The following SHISAL2A variants were observed in gnomAD, a reference collection of about 807,000 sequenced individuals.
SHISAL2A encodes the protein protein shisa-like-2A.
Under a neutral mutation model 11.5 loss-of-function variants are expected in SHISAL2A, and 18 were observed. That is an observed-to-expected ratio of 1.57 (90% confidence interval 1.08 to 2.33). The LOEUF is 2.33. SHISAL2A is among the 30% of genes most tolerant of loss of function. The pLI, the probability that SHISAL2A is intolerant of heterozygous loss-of-function variation, is 0.00. For synonymous variants in SHISAL2A, 94 were observed against 99.6 expected, an observed-to-expected ratio of 0.94 and a Z score of 0.34; for missense variants, 261 against 250.9, an observed-to-expected ratio of 1.04 and a Z score of -0.27.
At chr1:52,646,492 T>TACACACACAC (rs35929137) in intron 2 of SHISAL2A, among the ~76,000 whole-genome samples, 2,530 of 145,344 alleles carry the variant, frequency 0.017, 38 homozygotes, top group Non-Finnish European at 0.023. Flanking sequence ...TAAATATCTA[T>TACACACACAC]ACACACACAC....
At position 52,656,566 on chromosome 1, in the gene SHISAL2A, G is replaced by A. The variant is rs182508160; in HGVS notation, c.323-224G>A. On this transcript the variant is annotated intron_variant, in intron 2 of 2. Transcript: ENST00000517870. ...CAAGTCTTCATAGCTCTTAACAATT[G>A]TTTCTTATCTGTTTCCTCCACCAAA... Among the ~76,000 whole-genome samples, 201 of 152,278 alleles carry A rather than the reference G, an allele frequency of 1.3e-3. 1 individual carries two copies. The highest frequency in any genetic ancestry group is 4.6e-3 in the African/African-American group (190 of 41,548).
downstream of SHISAL2A, among the ~76,000 whole-genome samples, chr1:52,657,831 G>C (rs538534882): frequency 2.0e-5 from 3 of 151,992 alleles, no homozygotes; most frequent in African/African-American, 7.2e-5. Flanking sequence ...CTCCAGCCTG[G>C]GCAAGACCTC....
chr1:52,641,493 A>G lies in SHISAL2A; in HGVS notation c.183-1370A>G, dbSNP rs528094165. The stretch of plus-strand genomic sequence containing the variant: ...GTGTTGAGTGTTGTGGGAGGAAAAA[A>G]GGAAGCTGTTTCTTCCTTCAGACCA... On this transcript the variant is annotated intron_variant, in intron 1 of 2. Transcript: ENST00000517870. Among the ~76,000 whole-genome samples, 31 of 152,306 alleles carry G rather than the reference A, an allele frequency of 2.0e-4. No homozygotes were observed. The East Asian group carries it at 6.0e-3, about 29-fold the overall frequency.
intron 2 of SHISAL2A, among the ~76,000 whole-genome samples, chr1:52,651,687 T>C (rs182653383): frequency 1.2e-3 from 190 of 152,292 alleles, no homozygotes; most frequent in Admixed American, 2.7e-3. Context: ...TGCAAAGGTT[T>C]TACAGGGACC....
At chr1:52,663,642 T>G (rs956707154) in intron 4 of SHISAL2A, among the ~76,000 whole-genome samples, 2 of 152,104 alleles carry the variant, frequency 1.3e-5, no homozygotes, top group Non-Finnish European at 2.9e-5. Flanking sequence ...ATGCCTGTGA[T>G]CCCAGCTACT....
exon 6 of SHISAL2A, chr1:52,669,642 G>T (rs1296598995): frequency 6.7e-6 from 1 of 149,138 alleles, no homozygotes; most frequent in African/African-American, 2.5e-5. Context: ...CCCCAGCCTG[G>T]GTGACAGAGC....
chr1:52,665,327 T>A (rs995799863), intron 4 of SHISAL2A, among the ~76,000 whole-genome samples: 1 of 152,190 alleles, frequency 6.6e-6, no homozygotes, highest in African/African-American at 2.4e-5. Context: ...CAGAATCCTG[T>A]GAATCTGACA....
chr1:52,645,536 A>C (rs957490099), intron 2 of SHISAL2A, among the ~76,000 whole-genome samples: 4 of 151,298 alleles, frequency 2.6e-5, no homozygotes, highest in African/African-American at 9.7e-5. Context: ...ATTCTCCTGA[A>C]TAGCAGGACT....
Position 52,633,473 on chromosome 1 carries a change from G to T in SHISAL2A, c.-21G>T. 6.8e-7 allele frequency: 1 copy of T among 1,463,854 alleles called. No homozygotes were observed. The allele number at this position is 1,463,854 out of a possible 1,614,324, so 90.7% of individuals were successfully genotyped here. A position where few individuals can be genotyped will look rare whatever the true frequency, so the allele number is the denominator to read the frequency against. ...GGCCGTCTGGTGGCCCGAGGTGGCG[G>T]CGGGCTGGGCGCGGGGCGCGATGAG... On this transcript the variant is annotated 5_prime_UTR_variant, in exon 1 of 3. Coordinates refer to ENST00000517870, the MANE Select transcript of SHISAL2A (RefSeq NM_001042693.3). The surrounding 1 kb of genome is among the most constrained non-coding windows in gnomAD (Gnocchi z 6.4).
chr1:52,633,417 C>G lies in SHISAL2A; in HGVS notation c.-77C>G. Reference sequence around the variant, plus strand: ...TTCTCAGGCTCAGCTCCGTCTCGCTCGGTCCCTCGCTTCCCCGCCGGGCTC... The same window carrying G: ...TTCTCAGGCTCAGCTCCGTCTCGCTGGGTCCCTCGCTTCCCCGCCGGGCTC... On this transcript the variant is annotated 5_prime_UTR_variant, in exon 1 of 3. Coordinates refer to ENST00000517870, the MANE Select transcript of SHISAL2A (RefSeq NM_001042693.3). This position sits in a 1 kb window ranked among gnomAD's most constrained non-coding sequence, Gnocchi z 6.4. The G allele has an allele frequency of 7.8e-7, 1 of 1,281,198 alleles. No individual in the cohort carries two copies. Among genetic ancestry groups the G allele is most frequent in the South Asian group, 1.6e-5 (1 of 61,212 alleles). 79.4% of individuals were successfully genotyped at this position (1,281,198 alleles called of 1,614,324 possible).
At chr1:52,652,965 C>CAAAAAAAAAAAAA (rs36154490) in intron 2 of SHISAL2A, among the ~76,000 whole-genome samples, 4 of 22,370 alleles carry the variant, frequency 1.8e-4, no homozygotes, top group African/African-American at 6.6e-4. Flanking sequence ...GACTCTGTCT[C>CAAAAAAAAAAAAA]AAAAAAAAAA....
At chr1:52,640,859 G>C (rs567214919) in intron 1 of SHISAL2A, among the ~76,000 whole-genome samples, 109 of 152,316 alleles carry the variant, frequency 7.2e-4, no homozygotes, top group Non-Finnish European at 1.4e-3. Context: ...GGGGCTGGTT[G>C]CCGGGGAAAC....
At chr1:52,637,883 T>A (rs1691272076) in intron 1 of SHISAL2A, among the ~76,000 whole-genome samples, 1 of 152,136 alleles carries the variant, frequency 6.6e-6, no homozygotes, top group South Asian at 2.1e-4. Context: ...AGTAAAATCC[T>A]CGAAGACTCG....
Position 52,633,670 on chromosome 1 carries a change from G to A in SHISAL2A, c.177G>A (p.Trp59Ter). Residue 59 changes from tryptophan (W) to a stop codon, truncating the protein, a stop_gained, in exon 1 of 3, where the codon TGG becomes TGA. Coordinates refer to ENST00000517870, the MANE Select transcript of SHISAL2A (RefSeq NM_001042693.3). LOFTEE classifies it high-confidence loss of function. This position sits in a 1 kb window ranked among gnomAD's most constrained non-coding sequence, Gnocchi z 6.4. ...CCTACGAGCACAGCTACATGTGGTG[G>A]CTCAGGTACCGTCCCTGGCCCTCAC... ...FFPYEHSYMW[W>*]LSIGALIGLS... 6.2e-7 allele frequency: 1 copy of A among 1,604,950 alleles called. No individual in the cohort carries two copies. The highest frequency in any genetic ancestry group is 8.5e-7 in the Non-Finnish European group (1 of 1,176,010).
In SHISAL2A at chr1:52,633,784, T is replaced by G; in HGVS notation, c.182+109T>G. 3 of 878,736 alleles carry G rather than the reference T, an allele frequency of 3.4e-6. No individual in the cohort carries two copies. Among genetic ancestry groups the G allele is most frequent in the Non-Finnish European group, 5.3e-6 (3 of 561,732 alleles). 54.4% of individuals were successfully genotyped at this position (878,736 alleles called of 1,614,324 possible). ...CCACCTGAACATCAGCAGCAAGCTC[T>G]AGTCCTTACCGTCCTCATGCCCACA... On this transcript the variant is annotated intron_variant, in intron 1 of 2. Transcript: ENST00000517870. The surrounding 1 kb of genome is among the most constrained non-coding windows in gnomAD (Gnocchi z 6.4).
At chr1:52,659,780 T>G (rs1307849496), downstream of SHISAL2A, among the ~76,000 whole-genome samples, 1 of 152,236 alleles carries the variant, frequency 6.6e-6, no homozygotes, top group Non-Finnish European at 1.5e-5. Context: ...GAATTCCTTC[T>G]CTGTCCTTGG....
intron 5 of SHISAL2A, among the ~76,000 whole-genome samples, chr1:52,667,996 G>A (rs1283240136): frequency 2.0e-5 from 3 of 152,126 alleles, no homozygotes; most frequent in South Asian, 2.1e-4. Context: ...TGGTCACCCC[G>A]GGAGTAAATG....
chr1:52,655,183 A>T (rs1359319681), intron 2 of SHISAL2A, among the ~76,000 whole-genome samples: 15 of 151,852 alleles, frequency 9.9e-5, no homozygotes, highest in Admixed American at 9.9e-4. Context: ...GATATGTCTC[A>T]ATAAATGAAT....
intron 2 of SHISAL2A, among the ~76,000 whole-genome samples, chr1:52,651,724 A>G (rs773786793): frequency 3.3e-5 from 5 of 152,182 alleles, no homozygotes; most frequent in Admixed American, 6.6e-5. Flanking sequence ...AGCTAGAATT[A>G]TATCAGTTCC....
Sources: gnomAD v4.1 joint callset for allele counts (sites outside exome capture counted in the v4.1 genomes callset) on GRCh38, gnomAD v4.1.1 for gene constraint, Gnocchi (gnomAD v3.1) non-coding constraint, MANE v1.5 for transcripts, NCBI Gene and HGNC (gene_info 2026-07-23, HGNC 2026-07-21) for gene names.